Variants in IQSEC1 observed in about 807,000 individuals in gnomAD.
The protein encoded by IQSEC1 is IQ motif and SEC7 domain-containing protein 1.
A neutral mutation model predicts 91.0 loss-of-function variants in IQSEC1; 31 were observed. The ratio of observed to expected loss-of-function variants is 0.34; its 90% CI spans 0.26 to 0.46. The LOEUF is 0.46. Among genes scored for constraint, IQSEC1 ranks in the 20% least tolerant of loss-of-function variants. IQSEC1 has a pLI of 1.00. For missense variants in IQSEC1, 1,388 were observed against 1,575.6 expected (o/e 0.88, Z 2.02); for synonymous variants, 699 against 662.6 (o/e 1.05, Z -0.84).
intron 1 of IQSEC1, among the ~76,000 whole-genome samples, chr3:13,068,303 C>T (rs1705304245): frequency 6.6e-6 from 1 of 152,236 alleles, no homozygotes; most frequent in Non-Finnish European, 1.5e-5. Context: ...CCTGCCTGTC[C>T]AGCAACTACC....
upstream of IQSEC1, among the ~76,000 whole-genome samples, chr3:13,076,532 A>C (rs544537831): frequency 6.6e-6 from 1 of 152,270 alleles, no homozygotes; most frequent in East Asian, 1.9e-4. Flanking sequence ...GGGAGGACGG[A>C]GAAGGTTGGA....
At chr3:13,172,468 A>T in intron 1 of IQSEC1, among the ~76,000 whole-genome samples, 1 of 152,232 alleles carries the variant, frequency 6.6e-6, no homozygotes, top group East Asian at 1.9e-4. Context: ...CCACAGCAGG[A>T]TCTTGAGCAG....
intron 2 of IQSEC1, among the ~76,000 whole-genome samples, chr3:13,095,043 C>A (rs763326442): frequency 3.9e-5 from 6 of 151,994 alleles, no homozygotes; most frequent in Non-Finnish European, 7.4e-5. Flanking sequence ...GCTATTGCAC[C>A]GAGAGCCCCC....
chr3:13,251,594 G>T (rs943383366), intron 1 of IQSEC1, among the ~76,000 whole-genome samples: 6 of 152,340 alleles, frequency 3.9e-5, no homozygotes, highest in African/African-American at 1.4e-4. Flanking sequence ...TTTACACAGT[G>T]GCATCCAAAA....
intron 1 of IQSEC1, among the ~76,000 whole-genome samples, chr3:12,976,863 C>T (rs993842275): frequency 2.6e-5 from 4 of 152,196 alleles, no homozygotes; most frequent in African/African-American, 7.2e-5. Flanking sequence ...CTCCTTCCCT[C>T]TCCCCATGCT....
chr3:13,010,411 G>A (rs1702829732), intron 1 of IQSEC1, among the ~76,000 whole-genome samples: 1 of 152,208 alleles, frequency 6.6e-6, no homozygotes, highest in Non-Finnish European at 1.5e-5. Context: ...CTGGTCCAGG[G>A]ATGGGTATGT....
At chr3:12,938,666 C>G (rs1226602177) in intron 2 of IQSEC1, among the ~76,000 whole-genome samples, 2 of 152,172 alleles carry the variant, frequency 1.3e-5, no homozygotes, top group Admixed American at 6.5e-5. Flanking sequence ...AGGCTGGGAT[C>G]TAGGAAGCCT....
chr3:12,924,104 A>G lies in IQSEC1; in HGVS notation c.1730+477T>C, dbSNP rs897677010. ...GGCAGGTCACTTGATCTGACTCCCC[A>G]CCACTCTCCCCAGGGGTGAGTCAGG... On this transcript the variant is annotated intron_variant, in intron 4 of 13. Transcript: ENST00000613206. This position sits in a 1 kb window ranked among gnomAD's most constrained non-coding sequence, Gnocchi z 6.3. Among the ~76,000 whole-genome samples the G allele has an allele frequency of 6.6e-6, 1 of 152,128 alleles. No individual in the cohort carries two copies. The highest frequency in any genetic ancestry group is 1.5e-5 in the Non-Finnish European group (1 of 68,008).
In IQSEC1 at chr3:12,967,525, C is replaced by G. The variant is rs950908583; in HGVS notation, c.24-25660G>C. 7 of 1,397,512 alleles carry G rather than the reference C, an allele frequency of 5.0e-6. No homozygotes were observed. Among genetic ancestry groups the G allele is most frequent in the Non-Finnish European group, 6.5e-6 (7 of 1,083,574 alleles). The allele number at this position is 1,397,512 out of a possible 1,614,324, so 86.6% of individuals were successfully genotyped here. On this transcript the variant is annotated intron_variant, in intron 1 of 13. Transcript: ENST00000613206. The surrounding 1 kb of genome is among the most constrained non-coding windows in gnomAD (Gnocchi z 5.9). ...AGCAGAGGCCGCCGACTCCCGCCAG[C>G]GAGCCGCCGGATCCCGGGGCCGACA...
chr3:13,108,383 A>G (rs377636620), intron 2 of IQSEC1, among the ~76,000 whole-genome samples: 9 of 152,192 alleles, frequency 5.9e-5, no homozygotes, highest in East Asian at 1.9e-4. Context: ...GGAACATTTC[A>G]AGAAGCAGAA....
Position 12,935,680 on chromosome 3 carries a change from T to C in IQSEC1, c.1336A>G (p.Lys446Glu). Residue 446 changes from lysine to glutamate, a missense_variant, in exon 3 of 14, where the codon AAG becomes GAG. Around this residue, in one of 2 missense-constraint regions of IQSEC1, gnomAD observed 1,059 missense variants for 1,317.8 expected, o/e 0.80. Coordinates refer to ENST00000613206, the MANE Select transcript of IQSEC1 (RefSeq NM_001134382.3). This position sits in a 1 kb window ranked among gnomAD's most constrained non-coding sequence, Gnocchi z 8.0. Reference protein sequence around the residue: ...AINGSANRQSKSESDYSDGDN... With the variant: ...AINGSANRQSESESDYSDGDN... ...CCGTCTGAGTAGTCCGACTCAGACT[T>C]GCTCTGCCGGTTGGCTGAGCCATTG... The C allele has an allele frequency of 6.2e-7, 1 of 1,613,874 alleles. No individual in the cohort carries two copies. The highest frequency in any genetic ancestry group is 8.5e-7 in the Non-Finnish European group (1 of 1,180,024).
intron 3 of IQSEC1, among the ~76,000 whole-genome samples, chr3:12,932,834 G>A (rs1228076612): frequency 6.6e-6 from 1 of 152,234 alleles, no homozygotes; most frequent in Non-Finnish European, 1.5e-5. Context: ...CTGTGTGGCT[G>A]TCAGCTGGGC....
chr3:13,105,092 C>A (rs1175235236), intron 2 of IQSEC1, among the ~76,000 whole-genome samples: 1 of 152,112 alleles, frequency 6.6e-6, no homozygotes, highest in African/African-American at 2.4e-5. Flanking sequence ...TGACTTCTGC[C>A]CTGTGCAGTG....
chr3:12,942,355 C>A (rs553444404), intron 1 of IQSEC1, among the ~76,000 whole-genome samples: 4 of 152,314 alleles, frequency 2.6e-5, no homozygotes, highest in African/African-American at 9.6e-5. Flanking sequence ...GTAATCCCAG[C>A]ACTTTGGGAG....
chr3:13,035,618 C>G (rs767533478), intron 1 of IQSEC1, among the ~76,000 whole-genome samples: 3 of 152,190 alleles, frequency 2.0e-5, no homozygotes, highest in Non-Finnish European at 2.9e-5. Context: ...AGGGTTAGAG[C>G]GGAGAAGTGA....
At chr3:12,958,617 A>C (rs1384720936) in intron 1 of IQSEC1, among the ~76,000 whole-genome samples, 1 of 152,204 alleles carries the variant, frequency 6.6e-6, no homozygotes, top group East Asian at 1.9e-4. Flanking sequence ...TGAGCTGGCC[A>C]AAGAGGAAGA....
Position 13,102,227 on chromosome 3 carries a change from A to C in IQSEC1, c.303-54705T>G, listed in dbSNP as rs138138599. Among the ~76,000 whole-genome samples the C allele has an allele frequency of 5.4e-3, 820 of 152,238 alleles. 8 individuals carry two copies. The highest frequency in any genetic ancestry group is 0.019 in the African/African-American group (776 of 41,534). ...CAGGAGATCAATGATGGAGCCCAGGAGTCAGTGATGGAGCCACTGACTCCA... is the reference window on the plus strand; with the variant it reads ...CAGGAGATCAATGATGGAGCCCAGGCGTCAGTGATGGAGCCACTGACTCCA... On this transcript the variant is annotated intron_variant, in intron 2 of 15. Transcript: ENST00000648114.
intron 1 of IQSEC1, among the ~76,000 whole-genome samples, chr3:12,948,631 A>C (rs987192375): frequency 6.6e-6 from 1 of 152,228 alleles, no homozygotes; most frequent in African/African-American, 2.4e-5. Context: ...TCTCAAGAAA[A>C]ATGTTAGCCA....
At chr3:12,928,544 G>T (rs796783216) in intron 3 of IQSEC1, among the ~76,000 whole-genome samples, 52 of 152,272 alleles carry the variant, frequency 3.4e-4, no homozygotes, top group African/African-American at 1.2e-3. Context: ...GACAGCAGAC[G>T]GCCAGGGCAC....
Sources: allele counts gnomAD v4.1 joint callset (sites outside exome capture counted in the v4.1 genomes callset), GRCh38; gene constraint gnomAD v4.1.1; regional missense constraint gnomAD v4.1.1; non-coding constraint Gnocchi (gnomAD v3.1); transcripts MANE v1.5; gene names NCBI Gene and HGNC (gene_info 2026-07-23, HGNC 2026-07-21).